Variants in SGPP2 observed in about 807,000 individuals in gnomAD.
SGPP2 encodes the protein sphingosine 1-phosphate phosphohydrolase 2.
A neutral mutation model predicts 33.9 loss-of-function variants in SGPP2; 30 were observed. The observed-to-expected ratio is 0.89, with a 90% confidence interval of 0.66 to 1.20. The LOEUF (loss-of-function observed/expected upper bound fraction) is 1.20, where lower values mean the gene tolerates loss of function less well. Ranked by LOEUF, SGPP2 falls within the 50% of genes most tolerant of loss-of-function variation. The probability of loss-of-function intolerance (pLI) is 0.00; values close to 1 mark genes in which losing one functional copy is unlikely to be tolerated. For synonymous variants in SGPP2, 233 were observed against 225.0 expected (o/e 1.04, Z -0.32); for missense variants, 458 against 532.1 (o/e 0.86, Z 1.37).
chr2:222,553,522 G>C (rs1365375933), intron 4 of SGPP2, among the ~76,000 whole-genome samples: 1 of 152,056 alleles, frequency 6.6e-6, no homozygotes. Context: ...TTAGACTCCT[G>C]GGCCACGCTT....
intron 1 of SGPP2, among the ~76,000 whole-genome samples, chr2:222,451,533 G>A (rs1697488702): frequency 6.6e-6 from 1 of 152,218 alleles, no homozygotes; most frequent in African/African-American, 2.4e-5. Context: ...GCAGATGTCT[G>A]AAGGGCTGAT....
intron 1 of SGPP2, among the ~76,000 whole-genome samples, chr2:222,425,204 C>G (rs1289276105): frequency 2.0e-5 from 3 of 152,128 alleles, no homozygotes; most frequent in Non-Finnish European, 4.4e-5. Context: ...CCCCCACCCC[C>G]GTATTCTTGC....
intron 1 of SGPP2, chr2:222,453,118 T>TA: frequency 1.2e-6 from 1 of 839,788 alleles, no homozygotes; most frequent in Non-Finnish European, 2.1e-6. Context: ...AGGACTATCC[T>TA]CAGATCCATG....
At chr2:222,533,681 C>T (rs1334522796) in intron 4 of SGPP2, among the ~76,000 whole-genome samples, 1 of 152,104 alleles carries the variant, frequency 6.6e-6, no homozygotes, top group Non-Finnish European at 1.5e-5. Flanking sequence ...AGGCCTTGAC[C>T]TTCATCAGAA....
intron 2 of SGPP2, among the ~76,000 whole-genome samples, 169 bp downstream of exon 2, chr2:222,474,895 C>T (rs1697907595): frequency 6.6e-6 from 1 of 150,470 alleles, no homozygotes; most frequent in Admixed American, 6.6e-5. Context: ...ATAGACACAA[C>T]TTGTGTTCCC....
intron 4 of SGPP2, among the ~76,000 whole-genome samples, chr2:222,531,422 A>G (rs1698837388): frequency 2.0e-5 from 3 of 152,234 alleles, no homozygotes; most frequent in Non-Finnish European, 4.4e-5. Flanking sequence ...CAAGCCAGTC[A>G]GAAAAGGAAA....
chr2:222,551,885 A>T (rs1467781554), intron 4 of SGPP2, among the ~76,000 whole-genome samples: 5 of 152,204 alleles, frequency 3.3e-5, no homozygotes, highest in African/African-American at 7.2e-5. Flanking sequence ...GATAATTGGG[A>T]TAAGGGAAAG....
intron 2 of SGPP2, among the ~76,000 whole-genome samples, chr2:222,499,394 G>A (rs1234955919): frequency 1.3e-5 from 2 of 152,174 alleles, no homozygotes; most frequent in African/African-American, 4.8e-5. Context: ...GCCCGTGCTC[G>A]GCCAGCCTGC....
chr2:222,433,531 C>T (rs2106058565), intron 1 of SGPP2, among the ~76,000 whole-genome samples: 1 of 152,278 alleles, frequency 6.6e-6, no homozygotes, highest in East Asian at 1.9e-4. Flanking sequence ...CCTGGAGCAA[C>T]CAGGTACTTA....
At chr2:222,498,780 G>A (rs1698322116) in intron 2 of SGPP2, among the ~76,000 whole-genome samples, 1 of 152,186 alleles carries the variant, frequency 6.6e-6, no homozygotes, top group Non-Finnish European at 1.5e-5. Context: ...TGAGAGGCAT[G>A]CCGTGTTAAG....
intron 2 of SGPP2, among the ~76,000 whole-genome samples, chr2:222,493,779 G>A (rs541505014): frequency 6.6e-6 from 1 of 152,278 alleles, no homozygotes; most frequent in Admixed American, 6.5e-5. Flanking sequence ...CGTACTGTTA[G>A]GCCTAAAATT....
At chr2:222,424,492 C>A (rs1257480046), upstream of SGPP2, 2 of 741,252 alleles carry the variant, frequency 2.7e-6, no homozygotes, top group Non-Finnish European at 3.5e-6. Context: ...CCCGCCCGCC[C>A]GGCCTCCGCC....
At chr2:222,545,803 C>T (rs950686686) in intron 4 of SGPP2, among the ~76,000 whole-genome samples, 7 of 151,996 alleles carry the variant, frequency 4.6e-5, no homozygotes, top group Admixed American at 2.0e-4. Context: ...AGAATTGAGC[C>T]GGGCCAAGTA....
Position 222,454,694 on chromosome 2 carries a change from C to T in SGPP2, c.220-19874C>T, listed in dbSNP as rs551914298. ...AGGCAAGTGTGAGCCTCATTCCCTTCTGTGAAAATGAGGCAATTGGACCAA... is the reference window on the plus strand; with the variant it reads ...AGGCAAGTGTGAGCCTCATTCCCTTTTGTGAAAATGAGGCAATTGGACCAA... On this transcript the variant is annotated intron_variant, in intron 1 of 4. Transcript: ENST00000321276. 4.0e-5 allele frequency among the ~76,000 whole-genome samples: 6 copies of T among 148,966 alleles called. No individual in the cohort carries two copies. In the South Asian group the frequency reaches 1.3e-3, roughly 32 times the overall value.
intron 2 of SGPP2, among the ~76,000 whole-genome samples, chr2:222,488,237 CA>C (rs1481762011): frequency 6.6e-6 from 1 of 152,198 alleles, no homozygotes; most frequent in Non-Finnish European, 1.5e-5. Context: ...TCCTTAGGGA[CA>C]GGGGTCCCCT....
chr2:222,438,148 CTT>C (rs373453335), intron 1 of SGPP2, among the ~76,000 whole-genome samples: 1 of 152,228 alleles, frequency 6.6e-6, no homozygotes, highest in Non-Finnish European at 1.5e-5. Flanking sequence ...CATTGTGCCT[CTT>C]TCTTGGTTGT....
chr2:222,547,297 C>A (rs563006479), intron 4 of SGPP2, among the ~76,000 whole-genome samples: 1 of 152,318 alleles, frequency 6.6e-6, no homozygotes, highest in South Asian at 2.1e-4. Context: ...TCGCAAGCTG[C>A]TTAGCAGTTG....
intron 1 of SGPP2, chr2:222,452,619 A>G (rs1553535029): frequency 7.4e-7 from 1 of 1,352,350 alleles, no homozygotes; most frequent in South Asian, 1.2e-5. Flanking sequence ...ATTGTTCCAG[A>G]ACTGGGTGCA....
chr2:222,561,422 C>G lies in SGPP2; in HGVS notation c.*2524C>G, dbSNP rs1689536345. ...TAATTGTGGTTGACTTGTCTGAAGC[C>G]AGCTGACAAAAGGATCAGCTTTTCC... On this transcript the variant is annotated 3_prime_UTR_variant, in exon 5 of 5. Transcript: ENST00000321276. Among the ~76,000 whole-genome samples the G allele has an allele frequency of 6.6e-6, 1 of 151,990 alleles. No homozygotes were observed.
Sources: allele counts gnomAD v4.1 joint callset (sites outside exome capture counted in the v4.1 genomes callset), GRCh38; gene constraint gnomAD v4.1.1; transcripts MANE v1.5; gene names NCBI Gene and HGNC (gene_info 2026-07-23, HGNC 2026-07-21).